UNC5B: variants seen among roughly 807,000 people sequenced by gnomAD.
UNC5B encodes netrin receptor UNC5B.
In UNC5B, 56 loss-of-function variants were observed where a neutral mutation model predicts 103.7. That is an observed-to-expected ratio of 0.54 (90% CI 0.44 to 0.67). The LOEUF (loss-of-function observed/expected upper bound fraction) is 0.67. Ranked by LOEUF, UNC5B falls within the 30% of genes least tolerant of loss-of-function variation. The pLI is 0.00. For synonymous variants in UNC5B, 577 were observed against 542.0 expected (o/e 1.06, Z -0.90); for missense variants, 1,194 against 1,284.5 (o/e 0.93, Z 1.08).
Position 71,270,209 on chromosome 10 carries a change from G to C in UNC5B, c.80-9612G>C, listed in dbSNP as rs140705635. On this transcript the variant is annotated intron_variant, in intron 1 of 16. Transcript: ENST00000335350. Reference sequence around the variant, plus strand: ...TACTAAAGACACAAAAATTAGCTGGGCGTGGTGGTATGTGCCTGTAATCTC... The same window carrying C: ...TACTAAAGACACAAAAATTAGCTGGCCGTGGTGGTATGTGCCTGTAATCTC... 1.3e-4 allele frequency among the ~76,000 whole-genome samples: 20 copies of C among 152,202 alleles called. No individual in the cohort carries two copies. The East Asian group carries it at 3.7e-3, about 28-fold the overall frequency.
At chr10:71,218,113 T>G (rs1269288407) in intron 1 of UNC5B, 4 of 81,130 alleles carry the variant, frequency 4.9e-5, no homozygotes, top group South Asian at 4.3e-4. Context: ...TGGGCGGAGG[T>G]GGGAGTTTGC....
At chr10:71,216,517 C>T (rs778857865) in intron 1 of UNC5B, among the ~76,000 whole-genome samples, 1 of 152,216 alleles carries the variant, frequency 6.6e-6, no homozygotes, top group Non-Finnish European at 1.5e-5. Context: ...GGAAGGGAGA[C>T]AGGTCACAAG....
chr10:71,240,374 T>C (rs1443981226), intron 1 of UNC5B, among the ~76,000 whole-genome samples: 2 of 152,180 alleles, frequency 1.3e-5, no homozygotes, highest in African/African-American at 2.4e-5. Flanking sequence ...TGATACCCCT[T>C]CTCCCAGTAG....
At chr10:71,278,641 A>T (rs1173809198) in intron 1 of UNC5B, among the ~76,000 whole-genome samples, 1 of 152,244 alleles carries the variant, frequency 6.6e-6, no homozygotes, top group Non-Finnish European at 1.5e-5. Flanking sequence ...GGGACTCCCT[A>T]GAGCCAGATG....
intron 1 of UNC5B, among the ~76,000 whole-genome samples, chr10:71,256,738 T>C (rs1469545017): frequency 3.3e-5 from 5 of 152,206 alleles, no homozygotes; most frequent in Non-Finnish European, 7.3e-5. Flanking sequence ...GTGCATTTGG[T>C]GTGTGGGTTT....
At chr10:71,240,784 TGA>T (rs1174868083) in intron 1 of UNC5B, among the ~76,000 whole-genome samples, 1 of 152,128 alleles carries the variant, frequency 6.6e-6, no homozygotes, top group Non-Finnish European at 1.5e-5. Flanking sequence ...CTGTCTAGCT[TGA>T]GAATGCCTGT....
At chr10:71,214,795 T>A (rs1369362376) in intron 1 of UNC5B, among the ~76,000 whole-genome samples, 2 of 152,040 alleles carry the variant, frequency 1.3e-5, no homozygotes. Flanking sequence ...TGGCCTGCAT[T>A]TCCTGCTTAA....
At chr10:71,282,270 C>G (rs899248562) in intron 2 of UNC5B, among the ~76,000 whole-genome samples, 3 of 152,202 alleles carry the variant, frequency 2.0e-5, no homozygotes, top group Admixed American at 2.0e-4. Context: ...CCAGGAGAGG[C>G]AGAACAGCCC....
At chr10:71,297,080 G>A (rs768804917) in intron 15 of UNC5B, among the ~76,000 whole-genome samples, 13 of 152,120 alleles carry the variant, frequency 8.5e-5, no homozygotes, top group Non-Finnish European at 1.8e-4. Context: ...TGCACACCAC[G>A]CTGGTGGAGG....
intron 6 of UNC5B, 28 bp downstream of exon 6, chr10:71,287,793 C>T (rs1845132734): frequency 1.3e-6 from 2 of 1,599,004 alleles, no homozygotes; most frequent in Non-Finnish European, 1.7e-6. Flanking sequence ...TGTCCAGCCC[C>T]ACCCCGAACC....
chr10:71,299,018 C>G, intron 16 of UNC5B, 94 bp from the exon 17 acceptor site: 2 of 1,518,930 alleles, frequency 1.3e-6, no homozygotes, highest in Non-Finnish European at 1.8e-6. Flanking sequence ...CCAAAGCTCA[C>G]AGCCTTCCCA....
chr10:71,292,364 C>A, intron 10 of UNC5B, 103 bp from the exon 11 acceptor site: 1 of 1,005,934 alleles, frequency 9.9e-7, no homozygotes, highest in Non-Finnish European at 1.5e-6. Context: ...CTACCTGGAG[C>A]TCAGGAGATA....
chr10:71,273,027 T>G (rs1180839623), intron 1 of UNC5B, among the ~76,000 whole-genome samples: 1 of 152,244 alleles, frequency 6.6e-6, no homozygotes, highest in African/African-American at 2.4e-5. Context: ...TAGCTGGGAT[T>G]ACAGGCATCC....
chr10:71,292,772 G>C (rs1017847023), intron 11 of UNC5B, among the ~76,000 whole-genome samples: 14 of 152,306 alleles, frequency 9.2e-5, no homozygotes, highest in African/African-American at 3.4e-4. Flanking sequence ...ACAAAGGGCT[G>C]AATATCCTTA....
intron 6 of UNC5B, 125 bp from the exon 7 acceptor site, chr10:71,288,443 T>G: frequency 7.3e-7 from 1 of 1,377,100 alleles, no homozygotes; most frequent in African/African-American, 1.4e-5. Context: ...GTGTTCTGGG[T>G]TCCTCATTTC....
chr10:71,233,792 C>A (rs771776603), intron 1 of UNC5B, among the ~76,000 whole-genome samples: 2 of 152,230 alleles, frequency 1.3e-5, no homozygotes, highest in African/African-American at 2.4e-5. Flanking sequence ...GAAGCCTTTC[C>A]TTCTTTGTCA....
rs1192568222 is a variant in UNC5B at position 71,212,783 on chromosome 10, G to A, written c.-203G>A. On this transcript the variant is annotated 5_prime_UTR_variant, in exon 1 of 17. Coordinates refer to ENST00000335350, the MANE Select transcript of UNC5B (RefSeq NM_170744.5). ...GCCGGAGCCTCGTTCGAGAGCCGGC[G>A]CCAGGCACCCACCGCGCTCCGAGTG... is the stretch of plus-strand genomic sequence containing the variant. 5.4e-6 allele frequency: 2 copies of A among 367,902 alleles called. No homozygotes were observed. Among genetic ancestry groups the A allele is most frequent in the African/African-American group, 4.2e-5 (2 of 47,208 alleles). The allele number at this position is 367,902 out of a possible 1,614,324, so 22.8% of individuals were successfully genotyped here.
chr10:71,246,054 A>G (rs1387788702), intron 1 of UNC5B, among the ~76,000 whole-genome samples: 1 of 151,718 alleles, frequency 6.6e-6, no homozygotes. Flanking sequence ...GCCCCGAGAG[A>G]ACTGAAGCTC....
chr10:71,288,889 C>G, intron 7 of UNC5B, 69 bp from the exon 8 acceptor site: 5 of 1,587,290 alleles, frequency 3.2e-6, no homozygotes, highest in Non-Finnish European at 4.3e-6. Context: ...CTCATCCTTC[C>G]CATTGCCTTC....
Sources: gnomAD v4.1 joint callset for allele counts (sites outside exome capture counted in the v4.1 genomes callset) on GRCh38, gnomAD v4.1.1 for gene constraint, MANE v1.5 for transcripts, NCBI Gene and HGNC (gene_info 2026-07-23, HGNC 2026-07-21) for gene names.